PRKG1: variants seen among roughly 807,000 people sequenced by gnomAD.
PRKG1 encodes the protein protein kinase cGMP-dependent 1, also known as cGMP-dependent protein kinase 1.
Under a neutral mutation model 88.1 loss-of-function variants are expected in PRKG1, and 35 were observed. That is an observed-to-expected ratio of 0.40 (90% CI 0.30 to 0.53). The LOEUF is 0.53. Ranked by LOEUF, PRKG1 falls within the 20% of genes least tolerant of loss-of-function variation. PRKG1 has a pLI of 0.59. For missense variants in PRKG1, 540 were observed against 839.8 expected, an observed-to-expected ratio of 0.64 and a Z score of 4.41; for synonymous variants, 303 against 292.5, an observed-to-expected ratio of 1.04 and a Z score of -0.37.
At chr10:52,025,787 G>A (rs186515802) in intron 5 of PRKG1, among the ~76,000 whole-genome samples, 65 of 151,608 alleles carry the variant, frequency 4.3e-4, no homozygotes, top group Non-Finnish European at 7.7e-4. Flanking sequence ...GATTGTATTG[G>A]CAATGCGGGC....
At chr10:51,621,009 G>GTATATATATATATATATATATA (rs55657310) in intron 3 of PRKG1, among the ~76,000 whole-genome samples, 90 of 121,898 alleles carry the variant, frequency 7.4e-4, no homozygotes, top group Non-Finnish European at 1.3e-3. Context: ...GTATATGTGT[G>GTATATATATATATATATATATA]TATATATATA....
At chr10:51,205,139 T>C (rs914601733) in intron 2 of PRKG1, among the ~76,000 whole-genome samples, 1,915 of 108,518 alleles carry the variant, frequency 0.018, 46 homozygotes, top group Middle Eastern at 0.037. Flanking sequence ...TTTTTTTTTT[T>C]TTTTTTTTTT....
chr10:51,241,438 A>G (rs751728449), intron 2 of PRKG1, among the ~76,000 whole-genome samples: 8 of 152,210 alleles, frequency 5.3e-5, no homozygotes, highest in Non-Finnish European at 7.3e-5. Flanking sequence ...TAATCACACA[A>G]TTTAAGACGA....
intron 2 of PRKG1, among the ~76,000 whole-genome samples, chr10:51,173,509 T>C (rs1431021341): frequency 2.0e-5 from 3 of 151,826 alleles, no homozygotes; most frequent in Non-Finnish European, 4.4e-5. Flanking sequence ...TGTAAAACTG[T>C]CATCAATGTG....
chr10:51,096,947 G>T (rs1356316527), intron 1 of PRKG1, among the ~76,000 whole-genome samples: 3 of 152,168 alleles, frequency 2.0e-5, no homozygotes, highest in Admixed American at 6.5e-5. Context: ...TCATAACAAA[G>T]AATTATCTGT....
intron 3 of PRKG1, among the ~76,000 whole-genome samples, chr10:51,720,548 A>C (rs1254323457): frequency 1.3e-5 from 2 of 152,136 alleles, no homozygotes; most frequent in Non-Finnish European, 2.9e-5. Context: ...CTTTGTCTGC[A>C]CTTTGGGAAG....
At chr10:51,355,571 C>T (rs1316404500) in intron 2 of PRKG1, among the ~76,000 whole-genome samples, 1 of 151,988 alleles carries the variant, frequency 6.6e-6, no homozygotes, top group Non-Finnish European at 1.5e-5. Context: ...AATCTAATAG[C>T]CACAGTGAAG....
chr10:51,962,956 A>T (rs1843481920), intron 5 of PRKG1, among the ~76,000 whole-genome samples: 1 of 152,216 alleles, frequency 6.6e-6, no homozygotes, highest in African/African-American at 2.4e-5. Context: ...TGGAAAACAG[A>T]AGCTGAGAAA....
At chr10:51,611,820 G>A (rs945173561) in intron 3 of PRKG1, among the ~76,000 whole-genome samples, 2 of 152,054 alleles carry the variant, frequency 1.3e-5, no homozygotes, top group Non-Finnish European at 2.9e-5. Context: ...TGTACACAGT[G>A]AGAGATAGAA....
In PRKG1 at chr10:52,174,123, T is replaced by G. The variant is rs572924322; in HGVS notation, c.1076+12160T>G. On this transcript the variant is annotated intron_variant, in intron 9 of 17. Coordinates refer to ENST00000373980, the MANE Select transcript of PRKG1 (RefSeq NM_006258.4). Reference sequence around the variant, plus strand: ...AGGTTTTTTTAATTTATTTTTTATTTTTTGGTAAACTCCTTGTAATAGGAC... The same window carrying G: ...AGGTTTTTTTAATTTATTTTTTATTGTTTGGTAAACTCCTTGTAATAGGAC... 9.9e-5 allele frequency among the ~76,000 whole-genome samples: 15 copies of G among 152,112 alleles called. No homozygotes were observed. In the East Asian group the frequency reaches 2.9e-3, roughly 29 times the overall value.
rs1295526907 is a variant in PRKG1, at chr10:52,285,041, T to G, written c.1709+2725T>G. ...TTCCCTCCAACTTTCCCTGTTCTATTCTTCATGGTAGGCGGCCCAATCTAA... is the reference window on the plus strand; with the variant it reads ...TTCCCTCCAACTTTCCCTGTTCTATGCTTCATGGTAGGCGGCCCAATCTAA... On this transcript the variant is annotated intron_variant, in intron 14 of 17. Coordinates refer to ENST00000373980, the MANE Select transcript of PRKG1 (RefSeq NM_006258.4). Among the ~76,000 whole-genome samples, 3 of 151,998 alleles carry G rather than the reference T, an allele frequency of 2.0e-5. No homozygotes were observed. In the South Asian group the frequency reaches 6.2e-4, roughly 32 times the overall value.
intron 2 of PRKG1, among the ~76,000 whole-genome samples, chr10:51,447,659 G>C (rs1839314779): frequency 6.6e-6 from 1 of 151,508 alleles, no homozygotes; most frequent in African/African-American, 2.4e-5. Context: ...CAGTTTCTAT[G>C]ACATTCATAT....
At chr10:52,251,449 G>A (rs1841166594) in intron 9 of PRKG1, 121 bp from the exon 10 acceptor site, 2 of 738,828 alleles carry the variant, frequency 2.7e-6, no homozygotes, top group East Asian at 5.4e-5. Context: ...AACTCTAAAA[G>A]CAAGATGGAA....
chr10:51,660,395 T>C (rs147171608), intron 3 of PRKG1, among the ~76,000 whole-genome samples: 6 of 151,934 alleles, frequency 3.9e-5, no homozygotes, highest in South Asian at 4.2e-4. Flanking sequence ...TGTGAAAGGA[T>C]TGAGAAGGAA....
chr10:51,618,528 A>C (rs1460602649), intron 3 of PRKG1, among the ~76,000 whole-genome samples: 5 of 152,104 alleles, frequency 3.3e-5, no homozygotes, highest in Non-Finnish European at 5.9e-5. Context: ...CCCCTATTCT[A>C]AGTATTTTGC....
chr10:51,367,354 TA>T (rs1564463999), intron 2 of PRKG1, among the ~76,000 whole-genome samples: 1 of 151,966 alleles, frequency 6.6e-6, no homozygotes, highest in Non-Finnish European at 1.5e-5. Context: ...GCTTACTAGT[TA>T]AAAATGGTAA....
rs1416396503 is a variant in PRKG1, at chr10:51,896,550, A to T, written c.699-10957A>T. 2.0e-5 allele frequency among the ~76,000 whole-genome samples: 3 copies of T among 151,644 alleles called. No individual in the cohort carries two copies. The East Asian group carries it at 5.8e-4, about 29-fold the overall frequency. On this transcript the variant is annotated intron_variant, in intron 4 of 17. Transcript: ENST00000373980. ...TAGTGAGACCCTGTCTCTACAAAAA[A>T]ATAAAATAAAAATTAGCCAAGTGTG...
At chr10:51,037,502 G>A (rs1843366896) in intron 1 of PRKG1, among the ~76,000 whole-genome samples, 1 of 151,846 alleles carries the variant, frequency 6.6e-6, no homozygotes, top group Non-Finnish European at 1.5e-5. Context: ...ACAAAAAACT[G>A]GCCAGGTGCA....
intron 2 of PRKG1, among the ~76,000 whole-genome samples, chr10:51,275,813 A>T (rs946995346): frequency 1.3e-5 from 2 of 152,154 alleles, no homozygotes; most frequent in African/African-American, 4.8e-5. Flanking sequence ...GTTGACTGGG[A>T]TATATCAGGA....
Sources: gnomAD v4.1 joint callset for allele counts (sites outside exome capture counted in the v4.1 genomes callset) on GRCh38, gnomAD v4.1.1 for gene constraint, MANE v1.5 for transcripts, NCBI Gene and HGNC (gene_info 2026-07-23, HGNC 2026-07-21) for gene names.